Variants in MLLT10 observed in about 807,000 individuals in gnomAD.
MLLT10 encodes protein AF-10.
MLLT10 carries 30 observed loss-of-function variants against 129.1 expected under a neutral mutation model. The ratio of observed to expected loss-of-function variants is 0.23; its 90% confidence interval spans 0.17 to 0.32. The LOEUF is 0.32. MLLT10 is among the 10% of genes least tolerant of loss of function. The pLI, the probability that MLLT10 is intolerant of heterozygous loss-of-function variation, is 1.00. For synonymous variants in MLLT10, 490 were observed against 446.4 expected (o/e 1.10, Z -1.23); for missense variants, 1,119 against 1,268.3 (o/e 0.88, Z 1.79).
At chr10:21,603,043 T>C (rs1279381006) in intron 5 of MLLT10, among the ~76,000 whole-genome samples, 1 of 151,798 alleles carries the variant, frequency 6.6e-6, no homozygotes, top group Admixed American at 6.6e-5. Context: ...ATCTTAACTC[T>C]TAATCAAAAA....
chr10:21,592,975 G>T (rs2042657483), intron 4 of MLLT10, among the ~76,000 whole-genome samples: 1 of 151,998 alleles, frequency 6.6e-6, no homozygotes, highest in Non-Finnish European at 1.5e-5. Context: ...CATTTTTCAT[G>T]TGTCTTATTC....
At chr10:21,736,381 C>CT (rs1196649980) in intron 21 of MLLT10, among the ~76,000 whole-genome samples, 2 of 152,166 alleles carry the variant, frequency 1.3e-5, no homozygotes, top group Non-Finnish European at 2.9e-5. Context: ...ATCTCCTGGG[C>CT]TCAAGTGATC....
intron 3 of MLLT10, among the ~76,000 whole-genome samples, chr10:21,552,943 CCTT>C (rs112407847): frequency 6.6e-6 from 1 of 151,850 alleles, no homozygotes; most frequent in African/African-American, 2.4e-5. Context: ...AAACCAGGGA[CCTT>C]CTTCTGGGTA....
intron 2 of MLLT10, among the ~76,000 whole-genome samples, chr10:21,535,313 TC>T (rs1355022240): frequency 2.6e-5 from 4 of 151,488 alleles, no homozygotes; most frequent in African/African-American, 9.7e-5. Flanking sequence ...AGGCTGGGGG[TC>T]GCCTTGCCTC....
intron 5 of MLLT10, among the ~76,000 whole-genome samples, chr10:21,602,097 C>T (rs1392527114): frequency 6.6e-6 from 1 of 152,194 alleles, no homozygotes; most frequent in African/African-American, 2.4e-5. Flanking sequence ...GAGAACAATT[C>T]TGGTATAAGC....
intron 3 of MLLT10, among the ~76,000 whole-genome samples, chr10:21,575,706 GT>G (rs1485570156): frequency 6.6e-6 from 1 of 152,102 alleles, no homozygotes; most frequent in African/African-American, 2.4e-5. Context: ...GTTTGGTTTT[GT>G]CAGTCACAAA....
intron 3 of MLLT10, among the ~76,000 whole-genome samples, chr10:21,577,765 C>A (rs2040942288): frequency 6.6e-6 from 1 of 152,040 alleles, no homozygotes; most frequent in Non-Finnish European, 1.5e-5. Context: ...GCCACCGCAC[C>A]CAGCCTATAT....
chr10:21,645,799 A>C (rs1378214768), intron 8 of MLLT10, among the ~76,000 whole-genome samples: 3 of 152,204 alleles, frequency 2.0e-5, no homozygotes, highest in Admixed American at 6.5e-5. Context: ...ATATGAACTT[A>C]CAAGTATTAT....
intron 8 of MLLT10, among the ~76,000 whole-genome samples, chr10:21,630,847 G>T (rs531528708): frequency 6.6e-6 from 1 of 152,182 alleles, no homozygotes; most frequent in Non-Finnish European, 1.5e-5. Context: ...CATACTGAAG[G>T]AGAGTCTGAA....
In MLLT10 at chr10:21,735,390, A is replaced by G. The variant is rs190931570; in HGVS notation, c.2955+155A>G. On this transcript the variant is annotated intron_variant, in intron 21 of 22. Transcript: ENST00000307729. The stretch of plus-strand genomic sequence containing the variant: ...ATGTGGTACAGGCTGTGATACCTGC[A>G]GTGATGTCACATTCATTCCTGAACT... Among the ~76,000 whole-genome samples the G allele has an allele frequency of 7.2e-5, 11 of 152,342 alleles. No homozygotes were observed. In the East Asian group the frequency reaches 1.9e-3, roughly 27 times the overall value.
At chr10:21,682,120 A>G (rs780530340) in intron 12 of MLLT10, 105 bp from the exon 13 acceptor site, 24 of 849,158 alleles carry the variant, frequency 2.8e-5, no homozygotes, top group Non-Finnish European at 4.0e-5. Flanking sequence ...GATATATGAT[A>G]GACTTACTGA....
chr10:21,620,594 A>G (rs1463752723), intron 8 of MLLT10, among the ~76,000 whole-genome samples: 1 of 152,214 alleles, frequency 6.6e-6, no homozygotes, highest in Non-Finnish European at 1.5e-5. Flanking sequence ...ACTGTTCATA[A>G]GATATACATT....
In MLLT10 at chr10:21,534,748, C is replaced by G; in HGVS notation, c.104C>G (p.Ala35Gly). The change falls in exon 2 of 23, where the codon GCC (alanine) becomes GGC (glycine). Residue 35 changes from alanine (A) to glycine (G), a missense_variant. Transcript: ENST00000307729. Reference protein sequence around the residue: ...CCVCSDERGWAENPLVYCDGH... With the variant: ...CCVCSDERGWGENPLVYCDGH... Reference sequence around the variant, plus strand: ...GTTTGCTCAGACGAGAGAGGCTGGGCCGAGAACCCGCTGGTTTATTGCGAC... The same window carrying G: ...GTTTGCTCAGACGAGAGAGGCTGGGGCGAGAACCCGCTGGTTTATTGCGAC... The G allele has an allele frequency of 1.2e-6, 2 of 1,613,060 alleles. No homozygotes were observed.
intron 9 of MLLT10, chr10:21,668,876 ACAC>A (rs1001128067): frequency 4.1e-5 from 47 of 1,140,476 alleles, no homozygotes; most frequent in Non-Finnish European, 1.6e-5. Flanking sequence ...TGAGTGAAGA[ACAC>A]CACTGTGTTT....
intron 14 of MLLT10, among the ~76,000 whole-genome samples, chr10:21,716,594 T>C (rs997014346): frequency 2.0e-5 from 3 of 151,620 alleles, no homozygotes; most frequent in Non-Finnish European, 4.4e-5. Context: ...CTCGGGAGGC[T>C]GAGGCAGGAG....
chr10:21,735,925 T>TA (rs2058326937), intron 21 of MLLT10, among the ~76,000 whole-genome samples: 1 of 152,120 alleles, frequency 6.6e-6, no homozygotes, highest in Non-Finnish European at 1.5e-5. Context: ...GGCGAGTTTT[T>TA]AAAAATCTAT....
chr10:21,613,183 A>T (rs1486639065), intron 6 of MLLT10, among the ~76,000 whole-genome samples: 1 of 125,706 alleles, frequency 8.0e-6, no homozygotes, highest in African/African-American at 3.2e-5. Flanking sequence ...ACAAACCAAG[A>T]CTCTGTCTCA....
intron 3 of MLLT10, among the ~76,000 whole-genome samples, chr10:21,546,450 G>C (rs2036090813): frequency 6.6e-6 from 1 of 151,924 alleles, no homozygotes; most frequent in African/African-American, 2.4e-5. Flanking sequence ...TGTGGCCCAG[G>C]CTGGAGTGCA....
chr10:21,704,021 T>G (rs867040785), intron 13 of MLLT10, among the ~76,000 whole-genome samples: 1 of 128,874 alleles, frequency 7.8e-6, no homozygotes. Flanking sequence ...TTTTTGTTTT[T>G]TTTTTTTTTT....
Sources: gnomAD v4.1 joint callset for allele counts (sites outside exome capture counted in the v4.1 genomes callset) on GRCh38, gnomAD v4.1.1 for gene constraint, MANE v1.5 for transcripts, NCBI Gene and HGNC (gene_info 2026-07-23, HGNC 2026-07-21) for gene names.